Variants in SLC20A2 observed in about 807,000 individuals in gnomAD.
SLC20A2 encodes the protein solute carrier family 20 member 2.
SLC20A2 carries 30 observed loss-of-function variants against 61.0 expected under a neutral mutation model. The ratio of observed to expected loss-of-function variants is 0.49; its 90% confidence interval spans 0.37 to 0.67. The LOEUF is 0.67. Ranked by LOEUF, SLC20A2 falls within the 30% of genes least tolerant of loss-of-function variation. The pLI is 0.00. For synonymous variants in SLC20A2, 351 were observed against 353.3 expected (o/e 0.99, Z 0.07); for missense variants, 626 against 866.4 (o/e 0.72, Z 3.48).
chr8:42,430,044 G>A lies in SLC20A2; in HGVS notation c.1709+20C>T, dbSNP rs368567221. On this transcript the variant is annotated intron_variant, in intron 9 of 10. Coordinates refer to ENST00000520262, the MANE Select transcript of SLC20A2 (RefSeq NM_001257180.2). ...TCGGATGACAAGACCTGCCCTGCTCGTCCACCAGCCCAGGCTTACCTGGAC... is the reference window on the plus strand; with the variant it reads ...TCGGATGACAAGACCTGCCCTGCTCATCCACCAGCCCAGGCTTACCTGGAC... The A allele has an allele frequency of 2.6e-5, 42 of 1,591,726 alleles. No individual in the cohort carries two copies. In the East Asian group the frequency reaches 3.2e-4, roughly 12 times the overall value.
intron 1 of SLC20A2, among the ~76,000 whole-genome samples, chr8:42,487,785 G>A (rs924891601): frequency 1.2e-4 from 18 of 152,088 alleles, no homozygotes; most frequent in Non-Finnish European, 1.8e-4. Context: ...GAAAGTGTAC[G>A]GTTCAGTGGC....
At chr8:42,427,389 CAT>C (rs1177780988) in intron 10 of SLC20A2, among the ~76,000 whole-genome samples, 1 of 152,196 alleles carries the variant, frequency 6.6e-6, no homozygotes, top group African/African-American at 2.4e-5. Flanking sequence ...GGATCTATCA[CAT>C]GTGGCTGTGT....
chr8:42,536,524 A>G (rs1812708555), intron 1 of SLC20A2: 1 of 152,250 alleles, frequency 6.6e-6, no homozygotes, highest in African/African-American at 2.4e-5. Flanking sequence ...CCCCAAAATC[A>G]TACTGTCAGC....
intron 1 of SLC20A2, among the ~76,000 whole-genome samples, chr8:42,528,517 T>C (rs1812122859): frequency 6.6e-6 from 1 of 152,034 alleles, no homozygotes; most frequent in Non-Finnish European, 1.5e-5. Flanking sequence ...CAAATTTTAC[T>C]TTTTCAAGGG....
At chr8:42,427,609 T>C (rs924685684) in intron 10 of SLC20A2, among the ~76,000 whole-genome samples, 1 of 152,146 alleles carries the variant, frequency 6.6e-6, no homozygotes, top group African/African-American at 2.4e-5. Context: ...TATTTCTGTA[T>C]ATGGTAGCAA....
chr8:42,503,137 G>C (rs1810426725), upstream of SLC20A2, among the ~76,000 whole-genome samples: 1 of 152,186 alleles, frequency 6.6e-6, no homozygotes, highest in Admixed American at 6.5e-5. Context: ...AGCCACACCT[G>C]TTCCACAGTG....
intron 1 of SLC20A2, among the ~76,000 whole-genome samples, chr8:42,489,127 C>T (rs1809304618): frequency 6.6e-6 from 1 of 151,938 alleles, no homozygotes; most frequent in Non-Finnish European, 1.5e-5. Context: ...TTAGTAGAGA[C>T]AGGGTTTTGC....
At chr8:42,490,016 G>A (rs148993056) in intron 1 of SLC20A2, among the ~76,000 whole-genome samples, 18 of 152,276 alleles carry the variant, frequency 1.2e-4, no homozygotes, top group African/African-American at 4.1e-4. Context: ...ACCAGGATTT[G>A]TTGTTAGAAA....
chr8:42,525,822 G>A (rs1227282632), intron 1 of SLC20A2, among the ~76,000 whole-genome samples: 3 of 152,088 alleles, frequency 2.0e-5, no homozygotes, highest in Non-Finnish European at 4.4e-5. Context: ...TAGGGATATG[G>A]CAAGGGGGCA....
upstream of SLC20A2, among the ~76,000 whole-genome samples, chr8:42,504,904 A>G (rs1309329552): frequency 1.4e-5 from 2 of 140,074 alleles, no homozygotes; most frequent in Admixed American, 7.7e-5. Context: ...TCCAGTTACT[A>G]TGCCAGGTAC....
intron 10 of SLC20A2, among the ~76,000 whole-genome samples, chr8:42,418,490 G>C (rs538690447): frequency 6.6e-6 from 1 of 151,592 alleles, no homozygotes; most frequent in South Asian, 2.1e-4. Context: ...AGGTTCAAGC[G>C]ATTCTCCTGT....
chr8:42,448,704 T>A (rs1362590740), intron 5 of SLC20A2, among the ~76,000 whole-genome samples: 1 of 151,650 alleles, frequency 6.6e-6, no homozygotes, highest in Non-Finnish European at 1.5e-5. Flanking sequence ...GGGGAAGTGG[T>A]GGGGAGACAG....
intron 2 of SLC20A2, among the ~76,000 whole-genome samples, chr8:42,471,412 A>T (rs1346151433): frequency 6.6e-6 from 1 of 152,204 alleles, no homozygotes; most frequent in Non-Finnish European, 1.5e-5. Flanking sequence ...AGACAACTTG[A>T]AACTGCAATA....
At chr8:42,488,261 CT>C (rs1485556046) in intron 1 of SLC20A2, among the ~76,000 whole-genome samples, 2 of 146,182 alleles carry the variant, frequency 1.4e-5, no homozygotes, top group African/African-American at 5.1e-5. Context: ...TCTCTGCTCA[CT>C]GCAACCTCTG....
At chr8:42,449,147 A>G (rs1805460791) in intron 5 of SLC20A2, among the ~76,000 whole-genome samples, 1 of 152,176 alleles carries the variant, frequency 6.6e-6, no homozygotes, top group Non-Finnish European at 1.5e-5. Flanking sequence ...TTTCCAAACA[A>G]TTATGGCTAC....
intron 1 of SLC20A2, among the ~76,000 whole-genome samples, chr8:42,489,805 C>G (rs891471784): frequency 6.6e-6 from 1 of 152,114 alleles, no homozygotes; most frequent in African/African-American, 2.4e-5. Context: ...GTGTGTGGCT[C>G]GAAGACTCCT....
chr8:42,533,689 T>TG (rs1236370001), intron 1 of SLC20A2, among the ~76,000 whole-genome samples: 1 of 139,664 alleles, frequency 7.2e-6, no homozygotes, highest in African/African-American at 2.9e-5. Context: ...GACGGGAGTC[T>TG]TACTCTGTCG....
chr8:42,506,598 A>T (rs188706381), intron 1 of SLC20A2, among the ~76,000 whole-genome samples: 1 of 152,250 alleles, frequency 6.6e-6, no homozygotes, highest in Admixed American at 6.5e-5. Context: ...AAATGTTGAA[A>T]GGAATTTCAA....
Position 42,417,904 on chromosome 8 carries a change from G to C in SLC20A2, c.1858C>G (p.Arg620Gly). ...ACGAACCAGGCCACGAAGATGTTCC[G>C]AAAGAGGCGCCAGTCCACAGCCTTG... ...SRKAVDWRLF[R>G]NIFVAWFVTV... Residue 620 changes from arginine (R) to glycine (G), a missense_variant, in exon 11 of 11, where the codon CGG (arginine) becomes GGG (glycine). Arg to Gly is a moderately radical substitution (Grantham distance 125, BLOSUM62 -2). This residue lies in a region of SLC20A2 where 138 missense variants were observed against 228.7 expected (regional missense o/e 0.60). Transcript: ENST00000520262. 6.2e-7 allele frequency: 1 copy of C among 1,613,948 alleles called. No homozygotes were observed. Among genetic ancestry groups the C allele is most frequent in the Non-Finnish European group, 8.5e-7 (1 of 1,179,944 alleles).
Sources: allele counts gnomAD v4.1 joint callset (sites outside exome capture counted in the v4.1 genomes callset), GRCh38; gene constraint gnomAD v4.1.1; regional missense constraint gnomAD v4.1.1; transcripts MANE v1.5; gene names NCBI Gene and HGNC (gene_info 2026-07-23, HGNC 2026-07-21).